Variants in PPP3CA observed in about 807,000 individuals in gnomAD.
PPP3CA encodes protein phosphatase 3 catalytic subunit alpha.
In PPP3CA, 14 loss-of-function variants were observed where a neutral mutation model predicts 66.5. That is an observed-to-expected ratio of 0.21 (90% confidence interval 0.14 to 0.33). The LOEUF is 0.33. Ranked by LOEUF, PPP3CA falls within the 10% of genes least tolerant of loss-of-function variation. The pLI is 1.00. For missense variants in PPP3CA, 317 were observed against 639.5 expected (o/e 0.50, Z 5.44); for synonymous variants, 232 against 226.2 (o/e 1.03, Z -0.23).
At chr4:101,267,487 C>T (rs1418175996) in intron 1 of PPP3CA, among the ~76,000 whole-genome samples, 2 of 152,054 alleles carry the variant, frequency 1.3e-5, no homozygotes, top group African/African-American at 4.8e-5. Context: ...AATTACAGTA[C>T]AGAAACTGTG....
chr4:101,093,033 C>T (rs1480955349), intron 6 of PPP3CA, among the ~76,000 whole-genome samples: 2 of 152,202 alleles, frequency 1.3e-5, no homozygotes. Flanking sequence ...AATCGCCACA[C>T]TGTCTTCCAC....
chr4:101,220,094 G>A (rs1044971593), intron 1 of PPP3CA, among the ~76,000 whole-genome samples: 1 of 151,694 alleles, frequency 6.6e-6, no homozygotes, highest in Non-Finnish European at 1.5e-5. Flanking sequence ...ATCACACTTA[G>A]GAAGAAAACA....
chr4:101,129,011 T>G (rs188331410), intron 2 of PPP3CA, among the ~76,000 whole-genome samples: 1 of 152,126 alleles, frequency 6.6e-6, no homozygotes, highest in Non-Finnish European at 1.5e-5. Context: ...GAAATTCTTG[T>G]TGCCAGGACA....
intron 1 of PPP3CA, among the ~76,000 whole-genome samples, chr4:101,334,566 A>C (rs1404234250): frequency 6.6e-6 from 1 of 152,230 alleles, no homozygotes; most frequent in East Asian, 1.9e-4. Context: ...AAAAATTTAA[A>C]TTAGTCAGTT....
At chr4:101,110,961 A>G (rs1398788728) in intron 2 of PPP3CA, among the ~76,000 whole-genome samples, 1 of 152,232 alleles carries the variant, frequency 6.6e-6, no homozygotes, top group Non-Finnish European at 1.5e-5. Flanking sequence ...ATAAGATATG[A>G]GCATAATAAT....
intron 2 of PPP3CA, among the ~76,000 whole-genome samples, chr4:101,127,561 G>C (rs190833650): frequency 6.6e-6 from 1 of 152,152 alleles, no homozygotes; most frequent in Admixed American, 6.5e-5. Flanking sequence ...TACTTCTAGA[G>C]GTTTCAGAGG....
At chr4:101,126,883 T>C (rs1455222685) in intron 2 of PPP3CA, among the ~76,000 whole-genome samples, 2 of 152,204 alleles carry the variant, frequency 1.3e-5, no homozygotes, top group Non-Finnish European at 2.9e-5. Flanking sequence ...TAATAGTACA[T>C]TAACACTTTG....
At chr4:101,158,038 GATAAA>G (rs760024800) in intron 2 of PPP3CA, 7 of 152,112 alleles carry the variant, frequency 4.6e-5, no homozygotes, top group Non-Finnish European at 8.8e-5. Flanking sequence ...AAAGGCTACT[GATAAA>G]ATAACTTTAC....
At chr4:101,300,750 G>A (rs1372608235) in intron 1 of PPP3CA, among the ~76,000 whole-genome samples, 2 of 152,234 alleles carry the variant, frequency 1.3e-5, no homozygotes, top group South Asian at 2.1e-4. Flanking sequence ...AGCCAAGATC[G>A]CACCACTACA....
chr4:101,343,423 AAG>A (rs1729879543), intron 1 of PPP3CA, among the ~76,000 whole-genome samples: 1 of 152,170 alleles, frequency 6.6e-6, no homozygotes, highest in Non-Finnish European at 1.5e-5. Flanking sequence ...GAGTATCACT[AAG>A]AGAAAAATCA....
intron 2 of PPP3CA, among the ~76,000 whole-genome samples, chr4:101,161,163 T>C (rs908640283): frequency 2.6e-5 from 4 of 152,124 alleles, no homozygotes; most frequent in African/African-American, 7.2e-5. Context: ...CGAGAAGCAA[T>C]AGGCTACATC....
chr4:101,241,573 C>A (rs915308276), intron 1 of PPP3CA, among the ~76,000 whole-genome samples: 1 of 151,978 alleles, frequency 6.6e-6, no homozygotes, highest in African/African-American at 2.4e-5. Context: ...TTGTCTATAA[C>A]AATAGCCAAT....
chr4:101,252,365 A>G (rs1476812707), intron 1 of PPP3CA, among the ~76,000 whole-genome samples: 1 of 152,232 alleles, frequency 6.6e-6, no homozygotes, highest in African/African-American at 2.4e-5. Context: ...TAAATACAGT[A>G]GAGAATTACT....
intron 2 of PPP3CA, among the ~76,000 whole-genome samples, chr4:101,162,020 A>T (rs1448752965): frequency 2.6e-5 from 4 of 152,168 alleles, no homozygotes; most frequent in African/African-American, 9.7e-5. Flanking sequence ...CTGGCGGATC[A>T]CCTGAGGTCA....
intron 8 of PPP3CA, among the ~76,000 whole-genome samples, chr4:101,066,859 C>T (rs766433988): frequency 2.0e-5 from 3 of 152,122 alleles, no homozygotes; most frequent in Non-Finnish European, 4.4e-5. Flanking sequence ...ACTTGAAAGA[C>T]GTTTATCTCC....
At chr4:101,216,235 G>A (rs930970776) in intron 1 of PPP3CA, among the ~76,000 whole-genome samples, 4 of 152,044 alleles carry the variant, frequency 2.6e-5, no homozygotes, top group African/African-American at 4.8e-5. Flanking sequence ...GTTGTACCCT[G>A]TAAGGGAAAA....
chr4:101,322,329 C>T (rs748779035), intron 1 of PPP3CA, among the ~76,000 whole-genome samples: 8 of 151,642 alleles, frequency 5.3e-5, no homozygotes, highest in Admixed American at 1.3e-4. Flanking sequence ...GCCAGACACT[C>T]ATGAACGAGA....
At chr4:101,053,452 C>A (rs145126684) in intron 10 of PPP3CA, among the ~76,000 whole-genome samples, 35 of 152,244 alleles carry the variant, frequency 2.3e-4, no homozygotes, top group African/African-American at 5.3e-4. Flanking sequence ...CCAGCTTTAA[C>A]AGTGCAGGCT....
chr4:101,243,521 T>A (rs1414648394), intron 1 of PPP3CA, among the ~76,000 whole-genome samples: 1 of 152,212 alleles, frequency 6.6e-6, no homozygotes, highest in Non-Finnish European at 1.5e-5. Context: ...TAGCCTTTTT[T>A]CCTGTCATTA....
Sources: allele counts gnomAD v4.1 joint callset (sites outside exome capture counted in the v4.1 genomes callset), GRCh38; gene constraint gnomAD v4.1.1; transcripts MANE v1.5; gene names NCBI Gene and HGNC (gene_info 2026-07-23, HGNC 2026-07-21).